Variants in ASTN2 observed in about 807,000 individuals in gnomAD.
ASTN2 encodes the protein astrotactin 2, also known as astrotactin-2.
Under a neutral mutation model 139.8 loss-of-function variants are expected in ASTN2, and 54 were observed. The observed-to-expected ratio is 0.39, with a 90% confidence interval of 0.31 to 0.48. The LOEUF (loss-of-function observed/expected upper bound fraction) is 0.48, where lower values mean the gene tolerates loss of function less well. Ranked by LOEUF, ASTN2 falls within the 20% of genes least tolerant of loss-of-function variation. The probability of loss-of-function intolerance (pLI) is 0.95; values close to 1 mark genes in which losing one functional copy is unlikely to be tolerated. For missense variants in ASTN2, 1,565 were observed against 1,725.1 expected (o/e 0.91, Z 1.64); for synonymous variants, 756 against 719.5 (o/e 1.05, Z -0.81).
chr9:116,671,380 G>GA (rs1859186506), intron 16 of ASTN2, among the ~76,000 whole-genome samples: 1 of 152,078 alleles, frequency 6.6e-6, no homozygotes, highest in East Asian at 1.9e-4. Flanking sequence ...AGGCTAGACT[G>GA]AAAAATTTGG....
intron 16 of ASTN2, among the ~76,000 whole-genome samples, chr9:116,696,160 C>T (rs773963132): frequency 6.6e-5 from 10 of 152,086 alleles, no homozygotes; most frequent in South Asian, 4.1e-4. Flanking sequence ...TTGAAAATGA[C>T]GCTCAAAAAT....
intron 19 of ASTN2, chr9:116,583,853 C>A (rs1272512124): frequency 6.6e-6 from 1 of 152,164 alleles, no homozygotes; most frequent in African/African-American, 2.4e-5. Context: ...AGTCACTGAG[C>A]CGACTCTTTT....
chr9:116,913,429 G>A (rs565491751), intron 10 of ASTN2, among the ~76,000 whole-genome samples: 7 of 152,144 alleles, frequency 4.6e-5, no homozygotes, highest in Admixed American at 2.6e-4. Flanking sequence ...ACCTTGGCTT[G>A]AGCCATTTCC....
intron 19 of ASTN2, among the ~76,000 whole-genome samples, chr9:116,592,283 T>C (rs985173801): frequency 7.2e-5 from 11 of 152,154 alleles, no homozygotes; most frequent in African/African-American, 2.7e-4. Flanking sequence ...GAAGCGTGGC[T>C]GAGGAGGCCT....
At chr9:116,628,819 A>G (rs1469524953) in intron 17 of ASTN2, among the ~76,000 whole-genome samples, 1 of 152,162 alleles carries the variant, frequency 6.6e-6, no homozygotes, top group Non-Finnish European at 1.5e-5. Context: ...GGCTATGTGT[A>G]TATGGGGTAG....
intron 2 of ASTN2, among the ~76,000 whole-genome samples, chr9:117,225,724 T>C (rs1832692753): frequency 6.6e-6 from 1 of 151,188 alleles, no homozygotes; most frequent in South Asian, 2.1e-4. Flanking sequence ...GGACATTCTC[T>C]CTGTGATGCT....
intron 11 of ASTN2, among the ~76,000 whole-genome samples, chr9:116,849,436 T>C (rs988468284): frequency 6.6e-6 from 1 of 152,160 alleles, no homozygotes; most frequent in East Asian, 1.9e-4. Context: ...AAGACACTTA[T>C]CACTTTAATG....
chr9:116,956,638 A>T (rs184596604), intron 10 of ASTN2, among the ~76,000 whole-genome samples: 2 of 152,120 alleles, frequency 1.3e-5, no homozygotes, highest in Admixed American at 6.6e-5. Context: ...ATCTCCATTC[A>T]TTCATGACAT....
intron 17 of ASTN2, among the ~76,000 whole-genome samples, chr9:116,644,831 T>G (rs1310888785): frequency 6.6e-6 from 1 of 152,114 alleles, no homozygotes; most frequent in African/African-American, 2.4e-5. Flanking sequence ...CCTCAAAAGA[T>G]TTGCTTTATA....
At chr9:116,971,524 C>A (rs1386795103) in intron 10 of ASTN2, among the ~76,000 whole-genome samples, 1 of 152,142 alleles carries the variant, frequency 6.6e-6, no homozygotes, top group Non-Finnish European at 1.5e-5. Context: ...ATTCTGTAAC[C>A]ATGTCCATGT....
chr9:116,466,931 G>A lies in ASTN2; in HGVS notation c.3497+20428C>T, dbSNP rs759364907. 5.9e-4 allele frequency among the ~76,000 whole-genome samples: 90 copies of A among 151,998 alleles called. 1 individual carries two copies. The highest frequency in any genetic ancestry group is 1.7e-4 in the African/African-American group (7 of 41,362). On this transcript the variant is annotated intron_variant, in intron 20 of 22. Transcript: ENST00000313400. ...GTTTTCCTTACCCAGACATTGTTAC[G>A]CCTTCTTTTGGAAGCATGGTACCTA...
chr9:117,180,702 T>C (rs1440547413), intron 3 of ASTN2: 6 of 1,562,756 alleles, frequency 3.8e-6, no homozygotes, highest in Admixed American at 1.7e-5. Context: ...GTGGAAGCCC[T>C]CATGAGTGCA....
intron 3 of ASTN2, among the ~76,000 whole-genome samples, chr9:117,142,142 T>G (rs1228541617): frequency 6.6e-6 from 1 of 152,160 alleles, no homozygotes; most frequent in African/African-American, 2.4e-5. Context: ...TTATGGGAGA[T>G]GAGATTGGAG....
rs16933649 is a variant in ASTN2 at position 116,545,313 on chromosome 9, T to C, written c.3356-57813A>G. Among the ~76,000 whole-genome samples the C allele has an allele frequency of 0.019, 2,853 of 152,332 alleles. 389 individuals carry two copies. In the South Asian group the frequency reaches 0.28, roughly 15 times the overall value. On this transcript the variant is annotated intron_variant, in intron 19 of 22. Coordinates refer to ENST00000313400, the MANE Select transcript of ASTN2 (RefSeq NM_001365068.1). The stretch of plus-strand genomic sequence containing the variant: ...GTCCTAAAATGTGTTGTTCTCAAAA[T>C]TGGAAAATGAACTGTGGATTGGAGT...
intron 6 of ASTN2, among the ~76,000 whole-genome samples, chr9:117,015,071 T>C (rs558487873): frequency 6.6e-6 from 1 of 152,286 alleles, no homozygotes; most frequent in African/African-American, 2.4e-5. Context: ...TAGAGTGCAG[T>C]GGTGCGATGA....
In ASTN2 at chr9:116,501,415, G is replaced by T. The variant is rs1007601357; in HGVS notation, c.3356-13915C>A. ...AGTCTTTGCTATGGTGAATAGTGCCGCAATAAACATACGTGTGCATGTGTC... is the reference window on the plus strand; with the variant it reads ...AGTCTTTGCTATGGTGAATAGTGCCTCAATAAACATACGTGTGCATGTGTC... On this transcript the variant is annotated intron_variant, in intron 19 of 22. Transcript: ENST00000313400. 7.2e-5 allele frequency among the ~76,000 whole-genome samples: 11 copies of T among 152,220 alleles called. No individual in the cohort carries two copies. The East Asian group carries it at 1.9e-3, about 27-fold the overall frequency.
intron 1 of ASTN2, among the ~76,000 whole-genome samples, chr9:117,396,896 G>A (rs563061054): frequency 1.3e-5 from 2 of 149,438 alleles, no homozygotes; most frequent in East Asian, 2.0e-4. Context: ...GGCATGCAAT[G>A]TGAAAAAAGC....
chr9:117,188,186 G>GAC (rs1378465372), intron 3 of ASTN2, among the ~76,000 whole-genome samples: 2 of 66,880 alleles, frequency 3.0e-5, no homozygotes, highest in East Asian at 5.7e-4. Context: ...GAGAGAGAGA[G>GAC]AGAGAGACAG....
intron 20 of ASTN2, among the ~76,000 whole-genome samples, chr9:116,469,209 C>T (rs1564297973): frequency 6.6e-6 from 1 of 152,092 alleles, no homozygotes; most frequent in Non-Finnish European, 1.5e-5. Flanking sequence ...GAGGGTGTCA[C>T]ATTTAAACAT....
Sources: gnomAD v4.1 joint callset for allele counts (sites outside exome capture counted in the v4.1 genomes callset) on GRCh38, gnomAD v4.1.1 for gene constraint, MANE v1.5 for transcripts, NCBI Gene and HGNC (gene_info 2026-07-23, HGNC 2026-07-21) for gene names.